Variants in ARHGAP31 observed in about 807,000 individuals in gnomAD.
ARHGAP31 encodes rho GTPase-activating protein 31.
In ARHGAP31, 34 loss-of-function variants were observed where a neutral mutation model predicts 113.9. That is an observed-to-expected ratio of 0.30 (90% CI 0.23 to 0.40). ARHGAP31 has a LOEUF of 0.40. ARHGAP31 is among the 10% of genes least tolerant of loss of function. The pLI is 1.00. For synonymous variants in ARHGAP31, 650 were observed against 684.8 expected (o/e 0.95, Z 0.79); for missense variants, 1,548 against 1,767.1 (o/e 0.88, Z 2.22).
At chr3:119,398,627 A>C (rs2080572302) in intron 8 of ARHGAP31, among the ~76,000 whole-genome samples, 1 of 152,240 alleles carries the variant, frequency 6.6e-6, no homozygotes, top group Non-Finnish European at 1.5e-5. Context: ...TCACAGAGTA[A>C]GTGTGCAAAA....
intron 1 of ARHGAP31, among the ~76,000 whole-genome samples, chr3:119,308,452 C>T (rs2079649672): frequency 6.6e-6 from 1 of 152,224 alleles, no homozygotes; most frequent in Admixed American, 6.5e-5. Context: ...AAACCACCTA[C>T]ATTCCTTGGC....
rs1229626605 is a variant in ARHGAP31, at chr3:119,355,692, G to A, written c.101-9624G>A. On this transcript the variant is annotated intron_variant, in intron 1 of 11. Coordinates refer to ENST00000264245, the MANE Select transcript of ARHGAP31 (RefSeq NM_020754.4). Reference sequence around the variant, plus strand: ...GATGTTCCCCACCCTGTGTCCAAGTGTTCTCATTGTTCAATTCCGACCTAT... The same window carrying A: ...GATGTTCCCCACCCTGTGTCCAAGTATTCTCATTGTTCAATTCCGACCTAT... Among the ~76,000 whole-genome samples, 3 of 152,020 alleles carry A rather than the reference G, an allele frequency of 2.0e-5. No individual in the cohort carries two copies. The East Asian group carries it at 5.8e-4, about 29-fold the overall frequency.
intron 8 of ARHGAP31, among the ~76,000 whole-genome samples, chr3:119,396,842 A>G (rs1204572184): frequency 1.3e-5 from 2 of 152,218 alleles, no homozygotes; most frequent in East Asian, 1.9e-4. Flanking sequence ...AGTATAGGAA[A>G]AAATGGAGAA....
chr3:119,334,457 C>T (rs528180905), intron 1 of ARHGAP31, among the ~76,000 whole-genome samples: 2 of 152,314 alleles, frequency 1.3e-5, no homozygotes, highest in Admixed American at 6.5e-5. Context: ...TGACAAAGGC[C>T]AAATTTCCCT....
At chr3:119,322,550 C>T (rs757920697) in intron 1 of ARHGAP31, 8 of 153,278 alleles carry the variant, frequency 5.2e-5, no homozygotes, top group Non-Finnish European at 7.3e-5. Flanking sequence ...GCCAGCGCCT[C>T]CACCCACGCT....
intron 7 of ARHGAP31, among the ~76,000 whole-genome samples, chr3:119,392,296 A>G (rs943759882): frequency 6.6e-6 from 1 of 152,128 alleles, no homozygotes; most frequent in Non-Finnish European, 1.5e-5. Context: ...AAATATAAAA[A>G]TATCAGCCGG....
intron 3 of ARHGAP31, among the ~76,000 whole-genome samples, chr3:119,380,037 C>T (rs143283678): frequency 2.6e-5 from 4 of 152,314 alleles, no homozygotes; most frequent in East Asian, 3.9e-4. Context: ...GAGAGATGGA[C>T]GTGGACCAGC....
chr3:119,407,658 G>C (rs942165712), intron 10 of ARHGAP31, among the ~76,000 whole-genome samples: 5 of 152,328 alleles, frequency 3.3e-5, no homozygotes, highest in Admixed American at 6.5e-5. Flanking sequence ...ATGAACACAT[G>C]GTGGGTGACC....
rs1266611962 is a variant in ARHGAP31 at position 119,383,231 on chromosome 3, G to A, written c.682+5G>A. The A allele has an allele frequency of 1.2e-6, 2 of 1,614,040 alleles. No individual in the cohort carries two copies. Among genetic ancestry groups the A allele is most frequent in the East Asian group, 2.2e-5 (1 of 44,886 alleles). ...CTGGGTCTCTGGAGAATGATGGTAA[G>A]GACTCCTCCTAGCATACACTCCACC... On this transcript the variant is annotated splice_donor_5th_base_variant and intron_variant, in intron 6 of 11. Coordinates refer to ENST00000264245, the MANE Select transcript of ARHGAP31 (RefSeq NM_020754.4).
intron 1 of ARHGAP31, among the ~76,000 whole-genome samples, chr3:119,353,897 T>A (rs1164401013): frequency 6.6e-6 from 1 of 152,160 alleles, no homozygotes; most frequent in African/African-American, 2.4e-5. Flanking sequence ...TCTTATTACC[T>A]TTTGTTCCTC....
At chr3:119,395,686 T>A (rs1006929122) in intron 8 of ARHGAP31, among the ~76,000 whole-genome samples, 7 of 152,208 alleles carry the variant, frequency 4.6e-5, no homozygotes, top group African/African-American at 1.7e-4. Context: ...TTGTCAATGG[T>A]GTGCCTTGTG....
intron 1 of ARHGAP31, among the ~76,000 whole-genome samples, chr3:119,336,676 G>C (rs555987204): frequency 6.1e-4 from 92 of 150,578 alleles, no homozygotes; most frequent in Non-Finnish European, 1.2e-3. Context: ...ATACCACACA[G>C]CCACCTATTT....
intron 11 of ARHGAP31, 32 bp downstream of exon 11, chr3:119,409,808 G>T (rs754532680): frequency 3.0e-5 from 47 of 1,555,358 alleles, no homozygotes; most frequent in Non-Finnish European, 4.0e-5. Context: ...CTCCAGCCAG[G>T]TGGAGTTATT....
At chr3:119,360,018 G>T (rs943498235) in intron 1 of ARHGAP31, among the ~76,000 whole-genome samples, 1 of 152,068 alleles carries the variant, frequency 6.6e-6, no homozygotes, top group East Asian at 1.9e-4. Flanking sequence ...CCTCAAACAA[G>T]ATGATGAACA....
At chr3:119,297,939 CA>C in intron 1 of ARHGAP31, among the ~76,000 whole-genome samples, 1 of 151,426 alleles carries the variant, frequency 6.6e-6, no homozygotes, top group Admixed American at 6.6e-5. Flanking sequence ...CACACACACA[CA>C]CACACCGTGT....
intron 1 of ARHGAP31, among the ~76,000 whole-genome samples, chr3:119,333,928 A>G (rs1303977077): frequency 6.6e-6 from 1 of 152,192 alleles, no homozygotes; most frequent in East Asian, 1.9e-4. Context: ...TTTAAATGAC[A>G]TTGCCTGCTT....
chr3:119,356,356 C>T (rs1258446807), intron 1 of ARHGAP31, among the ~76,000 whole-genome samples: 1 of 152,090 alleles, frequency 6.6e-6, no homozygotes, highest in Non-Finnish European at 1.5e-5. Flanking sequence ...CATGGCTGGG[C>T]ACGGTGGCTC....
At chr3:119,297,045 A>G (rs964925928) in intron 1 of ARHGAP31, among the ~76,000 whole-genome samples, 9 of 152,358 alleles carry the variant, frequency 5.9e-5, no homozygotes, top group Admixed American at 1.3e-4. Context: ...ATGAGAGTTC[A>G]GCTTTGAAAG....
chr3:119,326,123 C>T (rs1407865284), intron 1 of ARHGAP31, among the ~76,000 whole-genome samples: 1 of 152,116 alleles, frequency 6.6e-6, no homozygotes, highest in African/African-American at 2.4e-5. Context: ...ACCCAGGAGG[C>T]GGAGGTTGCA....
Sources: allele counts gnomAD v4.1 joint callset (sites outside exome capture counted in the v4.1 genomes callset), GRCh38; gene constraint gnomAD v4.1.1; transcripts MANE v1.5; gene names NCBI Gene and HGNC (gene_info 2026-07-23, HGNC 2026-07-21).